The following SLC37A1 variants were observed in gnomAD, a reference collection of about 807,000 sequenced individuals.
SLC37A1 encodes glucose-6-phosphate exchanger SLC37A1.
A neutral mutation model predicts 75.3 loss-of-function variants in SLC37A1; 49 were observed. The observed-to-expected ratio is 0.65, with a 90% confidence interval of 0.52 to 0.83. SLC37A1 has a LOEUF of 0.83. Among genes scored for constraint, SLC37A1 ranks in the 40% least tolerant of loss-of-function variants. The probability of loss-of-function intolerance (pLI) is 0.00; values close to 1 mark genes in which losing one functional copy is unlikely to be tolerated. For missense variants in SLC37A1, 566 were observed against 695.0 expected (o/e 0.81, Z 2.09); for synonymous variants, 268 against 292.1 (o/e 0.92, Z 0.84).
chr21:42,559,556 A>G (rs1322287582), intron 11 of SLC37A1, among the ~76,000 whole-genome samples: 1 of 152,200 alleles, frequency 6.6e-6, no homozygotes, highest in African/African-American at 2.4e-5. Context: ...GGCCTTCGCG[A>G]GCCCGGCTGG....
At chr21:42,569,669 G>A (rs1002317108) in intron 17 of SLC37A1, among the ~76,000 whole-genome samples, 7 of 152,212 alleles carry the variant, frequency 4.6e-5, no homozygotes, top group Non-Finnish European at 7.3e-5. Flanking sequence ...CCCCTCTCCC[G>A]GGTCTGTTCT....
intron 11 of SLC37A1, chr21:42,560,357 T>G (rs1183643906): frequency 6.6e-6 from 1 of 152,482 alleles, no homozygotes; most frequent in East Asian, 1.9e-4. Flanking sequence ...CTGTCCAGGG[T>G]GGGCTGTTTG....
intron 3 of SLC37A1, among the ~76,000 whole-genome samples, chr21:42,527,792 A>C (rs2054838150): frequency 1.3e-5 from 2 of 152,218 alleles, no homozygotes; most frequent in Admixed American, 6.5e-5. Context: ...CTGACCTAGC[A>C]GCTGCGATGT....
rs2055454978 is a variant in SLC37A1 at position 42,547,963 on chromosome 21, G to T, written c.768+823G>T. ...CAGCAACGTCACCCGGACACATAGG[G>T]TGGTCAGCTCTCTGGCCTCACCCTG... On this transcript the variant is annotated intron_variant, in intron 9 of 19. Transcript: ENST00000352133. This position sits in a 1 kb window ranked among gnomAD's most constrained non-coding sequence, Gnocchi z 6.1. 6.6e-6 allele frequency among the ~76,000 whole-genome samples: 1 copy of T among 152,256 alleles called. No individual in the cohort carries two copies. Among genetic ancestry groups the T allele is most frequent in the Admixed American group, 6.5e-5 (1 of 15,304 alleles).
In SLC37A1 at chr21:42,541,106, C is replaced by T. The variant is rs182713348; in HGVS notation, c.487-1298C>T. Among the ~76,000 whole-genome samples, 1,063 of 152,230 alleles carry T rather than the reference C, an allele frequency of 7.0e-3. 5 individuals carry two copies. Among genetic ancestry groups the T allele is most frequent in the Non-Finnish European group, 0.011 (781 of 68,000 alleles). On this transcript the variant is annotated intron_variant, in intron 6 of 19. Coordinates refer to ENST00000352133, the MANE Select transcript of SLC37A1 (RefSeq NM_001320537.2). Reference sequence around the variant, plus strand: ...GGGATGAAACTGTTCCCCCTCAGGTCATCAGGCATTCGATTCTCATAAGGA... The same window carrying T: ...GGGATGAAACTGTTCCCCCTCAGGTTATCAGGCATTCGATTCTCATAAGGA...
In SLC37A1 at chr21:42,545,267, A is replaced by G. The variant is rs957006255; in HGVS notation, c.730+1665A>G. Among the ~76,000 whole-genome samples, 3 of 151,760 alleles carry G rather than the reference A, an allele frequency of 2.0e-5. No homozygotes were observed. Among genetic ancestry groups the G allele is most frequent in the African/African-American group, 7.3e-5 (3 of 41,284 alleles). On this transcript the variant is annotated intron_variant, in intron 8 of 19. Transcript: ENST00000352133. This position sits in a 1 kb window ranked among gnomAD's most constrained non-coding sequence, Gnocchi z 4.0. Reference sequence around the variant, plus strand: ...CTCCTGCCCAGGGAATCTTTCTGACACTCTTTCCCCTTGTGCCTGGGAGGT... The same window carrying G: ...CTCCTGCCCAGGGAATCTTTCTGACGCTCTTTCCCCTTGTGCCTGGGAGGT...
At chr21:42,551,069 G>T (rs993720307) in intron 9 of SLC37A1, among the ~76,000 whole-genome samples, 2 of 152,254 alleles carry the variant, frequency 1.3e-5, no homozygotes, top group Admixed American at 6.5e-5. Context: ...AGGCAGGCCA[G>T]TTAGGCAAGA....
At chr21:42,553,158 C>G (rs1011534284) in intron 9 of SLC37A1, among the ~76,000 whole-genome samples, 4 of 152,230 alleles carry the variant, frequency 2.6e-5, no homozygotes, top group Non-Finnish European at 4.4e-5. Flanking sequence ...CCATAGATCT[C>G]TACTTGCAGA....
At chr21:42,578,156 C>T (rs2056345567) in intron 18 of SLC37A1, among the ~76,000 whole-genome samples, 1 of 152,182 alleles carries the variant, frequency 6.6e-6, no homozygotes, top group South Asian at 2.1e-4. Flanking sequence ...CCTGGGGGGC[C>T]AGAGGGCACC....
At chr21:42,570,336 C>CCATGTCATG (rs1601774678) in intron 17 of SLC37A1, among the ~76,000 whole-genome samples, 5 of 151,222 alleles carry the variant, frequency 3.3e-5, no homozygotes, top group African/African-American at 1.2e-4. Flanking sequence ...GTGGCTGTTG[C>CCATGTCATG]TCAGAAAGCC....
Position 42,534,795 on chromosome 21 carries a change from C to A in SLC37A1, c.236C>A (p.Pro79His). The A allele has an allele frequency of 1.2e-6, 2 of 1,614,014 alleles. No homozygotes were observed. The highest frequency in any genetic ancestry group is 1.7e-6 in the Non-Finnish European group (2 of 1,179,982). Residue 79 changes from proline (P) to histidine (H), a missense_variant, in exon 4 of 20, where the codon CCT becomes CAT. Pro to His is a moderately conservative substitution (Grantham distance 77). Transcript: ENST00000352133. The part of the protein sequence containing the change: ...KSGSAAPHQL[P>H]DNETDCGWAP... Reference sequence around the variant, plus strand: ...GGGTCCGCTGCCCCCCACCAGCTCCCTGACAATGAGACCGACTGTGGCTGG... The same window carrying A: ...GGGTCCGCTGCCCCCCACCAGCTCCATGACAATGAGACCGACTGTGGCTGG...
chr21:42,513,783 C>A (rs2054466908), upstream of SLC37A1: 1 of 146,256 alleles, frequency 6.8e-6, no homozygotes, highest in Non-Finnish European at 1.5e-5. Context: ...AGGAGCCGCG[C>A]GGCTCCGCCG....
chr21:42,543,369 C>T, intron 7 of SLC37A1, 67 bp from the exon 8 acceptor site: 1 of 1,590,106 alleles, frequency 6.3e-7, no homozygotes, highest in African/African-American at 1.3e-5. Context: ...ACTGCTGCGC[C>T]CTGCACTGCT....
At chr21:42,570,918 G>A (rs1406223860) in intron 17 of SLC37A1, among the ~76,000 whole-genome samples, 4 of 152,108 alleles carry the variant, frequency 2.6e-5, no homozygotes, top group Non-Finnish European at 4.4e-5. Flanking sequence ...ACCCCCTCTG[G>A]CCTTCTGTTA....
At chr21:42,549,545 A>G (rs926941268) in intron 9 of SLC37A1, among the ~76,000 whole-genome samples, 12 of 152,246 alleles carry the variant, frequency 7.9e-5, no homozygotes, top group African/African-American at 2.9e-4. Flanking sequence ...GAGATGGCTG[A>G]TATCTGGGGA....
intron 3 of SLC37A1, among the ~76,000 whole-genome samples, chr21:42,531,063 C>T (rs568462278): frequency 2.6e-5 from 4 of 152,336 alleles, no homozygotes; most frequent in African/African-American, 9.6e-5. Context: ...CCCACCGCAG[C>T]TGCCTGCTGC....
Position 42,531,418 on chromosome 21 carries a change from C to T in SLC37A1, c.139-3280C>T, listed in dbSNP as rs118172452. On this transcript the variant is annotated intron_variant, in intron 3 of 19. Coordinates refer to ENST00000352133, the MANE Select transcript of SLC37A1 (RefSeq NM_001320537.2). Reference sequence around the variant, plus strand: ...TCTTCACAGGGCCCACTCAGCCTCCCGCCTCACATAAGTGTGGAGTTCAGT... The same window carrying T: ...TCTTCACAGGGCCCACTCAGCCTCCTGCCTCACATAAGTGTGGAGTTCAGT... 7.9e-4 allele frequency among the ~76,000 whole-genome samples: 120 copies of T among 152,334 alleles called. 5 individuals are homozygous for T. The East Asian group carries it at 0.02, about 25-fold the overall frequency.
rs865828500 is a variant in SLC37A1, at chr21:42,548,873, G to T, written c.768+1733G>T. ...GGCAGCACCTGGCCTCGTGCGGGAG[G>T]GGGGCCAGAGTCCTTTTTCTGTCTT... On this transcript the variant is annotated intron_variant, in intron 9 of 19. Coordinates refer to ENST00000352133, the MANE Select transcript of SLC37A1 (RefSeq NM_001320537.2). This position sits in a 1 kb window ranked among gnomAD's most constrained non-coding sequence, Gnocchi z 5.6. Among the ~76,000 whole-genome samples the T allele has an allele frequency of 5.3e-5, 8 of 152,150 alleles. No individual in the cohort carries two copies. The highest frequency in any genetic ancestry group is 2.1e-4 in the South Asian group (1 of 4,804).
rs1164955666 is a variant in SLC37A1, at chr21:42,580,876, C to T, written c.*516C>T. The stretch of plus-strand genomic sequence containing the variant: ...CAGCGCCACACAACATCAAGAAGGC[C>T]GACAACCAGGTTGGAAACCAAGACG... On this transcript the variant is annotated 3_prime_UTR_variant, in exon 20 of 20. Coordinates refer to ENST00000352133, the MANE Select transcript of SLC37A1 (RefSeq NM_001320537.2). 5.4e-5 allele frequency: 9 copies of T among 166,562 alleles called. No individual in the cohort carries two copies. The highest frequency in any genetic ancestry group is 1.5e-4 in the South Asian group (1 of 6,470). The allele number at this position is 166,562 out of a possible 1,614,324, so 10.3% of individuals were successfully genotyped here. A position where few individuals can be genotyped will look rare whatever the true frequency, so the allele number is the denominator to read the frequency against.
Sources: gnomAD v4.1 joint callset for allele counts (sites outside exome capture counted in the v4.1 genomes callset) on GRCh38, gnomAD v4.1.1 for gene constraint, Gnocchi (gnomAD v3.1) non-coding constraint, MANE v1.5 for transcripts, NCBI Gene and HGNC (gene_info 2026-07-23, HGNC 2026-07-21) for gene names.